HCN1: variants seen among roughly 807,000 people sequenced by gnomAD.
HCN1 encodes the protein potassium/sodium hyperpolarization-activated cyclic nucleotide-gated channel 1.
A neutral mutation model predicts 78.9 loss-of-function variants in HCN1; 13 were observed. The observed-to-expected ratio is 0.16, with a 90% CI of 0.11 to 0.26. The LOEUF is 0.26. Ranked by LOEUF, HCN1 falls within the 10% of genes least tolerant of loss-of-function variation. The pLI is 1.00. For missense variants in HCN1, 810 were observed against 1,154.3 expected (o/e 0.70, Z 4.32); for synonymous variants, 552 against 455.5 (o/e 1.21, Z -2.70).
intron 3 of HCN1, among the ~76,000 whole-genome samples, chr5:45,444,658 AT>A (rs1345812409): frequency 3.3e-5 from 5 of 152,058 alleles, no homozygotes; most frequent in African/African-American, 1.2e-4. Context: ...TCATCTTCTT[AT>A]ATAACAAGAT....
intron 5 of HCN1, among the ~76,000 whole-genome samples, chr5:45,344,422 A>C (rs1198043896): frequency 6.6e-6 from 1 of 152,158 alleles, no homozygotes; most frequent in Non-Finnish European, 1.5e-5. Flanking sequence ...CCAAAGTCTT[A>C]ATTCATTTCA....
intron 2 of HCN1, among the ~76,000 whole-genome samples, chr5:45,612,170 G>C (rs1744851810): frequency 6.6e-6 from 1 of 152,002 alleles, no homozygotes; most frequent in African/African-American, 2.4e-5. Context: ...CTGGAGTCTT[G>C]ATTTAATTTT....
intron 5 of HCN1, among the ~76,000 whole-genome samples, chr5:45,310,419 C>A (rs1227499769): frequency 6.6e-6 from 1 of 152,122 alleles, no homozygotes; most frequent in East Asian, 1.9e-4. Flanking sequence ...ATAAAGAGAT[C>A]AACATCACTG....
At chr5:45,281,120 T>C (rs1231111203) in intron 6 of HCN1, among the ~76,000 whole-genome samples, 1 of 152,132 alleles carries the variant, frequency 6.6e-6, no homozygotes, top group Non-Finnish European at 1.5e-5. Flanking sequence ...TGGAGGTTTT[T>C]GTTAGTATGT....
At chr5:45,313,575 A>G (rs1238665013) in intron 5 of HCN1, among the ~76,000 whole-genome samples, 1 of 152,200 alleles carries the variant, frequency 6.6e-6, no homozygotes, top group African/African-American at 2.4e-5. Context: ...CTCCAAGCTA[A>G]AGGAGGAAGT....
chr5:45,538,086 A>G (rs1743008343), intron 2 of HCN1, among the ~76,000 whole-genome samples: 1 of 152,246 alleles, frequency 6.6e-6, no homozygotes, highest in South Asian at 2.1e-4. Flanking sequence ...AAGGGGTGCA[A>G]AATCATTATT....
Position 45,556,414 on chromosome 5 carries a change from C to A in HCN1, c.849+88771G>T, listed in dbSNP as rs1203694779. On this transcript the variant is annotated intron_variant, in intron 2 of 7. Transcript: ENST00000303230. ...AAATTACCTTGATAAGGCCATTGTT[C>A]TCTGCCTATAACTTGAAGTCCTTTT... Among the ~76,000 whole-genome samples the A allele has an allele frequency of 3.3e-5, 5 of 151,962 alleles. No homozygotes were observed. The East Asian group carries it at 9.7e-4, about 29-fold the overall frequency.
intron 6 of HCN1, among the ~76,000 whole-genome samples, chr5:45,273,596 A>C (rs895077998): frequency 6.6e-6 from 1 of 152,164 alleles, no homozygotes; most frequent in African/African-American, 2.4e-5. Context: ...TAATGTGCTT[A>C]ACCTGAGCTT....
At chr5:45,549,974 C>T (rs1260056890) in intron 2 of HCN1, among the ~76,000 whole-genome samples, 4 of 152,104 alleles carry the variant, frequency 2.6e-5, no homozygotes, top group South Asian at 2.1e-4. Context: ...GTTAGAATGG[C>T]GATCATTAAA....
chr5:45,531,678 A>G (rs1476430931), intron 2 of HCN1, among the ~76,000 whole-genome samples: 1 of 152,078 alleles, frequency 6.6e-6, no homozygotes, highest in African/African-American at 2.4e-5. Context: ...TTTGCCTGCT[A>G]GAATAATTTT....
intron 2 of HCN1, among the ~76,000 whole-genome samples, chr5:45,630,812 G>A (rs1745257319): frequency 6.6e-6 from 1 of 151,414 alleles, no homozygotes. Context: ...AAAGAGAACT[G>A]TTTTTTTTAA....
chr5:45,350,527 C>A (rs1038135429), intron 5 of HCN1, among the ~76,000 whole-genome samples: 5 of 151,514 alleles, frequency 3.3e-5, no homozygotes, highest in African/African-American at 1.2e-4. Flanking sequence ...CTGGCCAGGG[C>A]AATCAGGCAG....
At chr5:45,262,874 A>G in intron 7 of HCN1, 64 bp from the exon 8 acceptor site, 1 of 1,565,914 alleles carries the variant, frequency 6.4e-7, no homozygotes, top group Non-Finnish European at 8.7e-7. Context: ...ACGCCAAGTG[A>G]GAGTGGCTCC....
chr5:45,464,882 G>C (rs961837516), intron 2 of HCN1, among the ~76,000 whole-genome samples: 1 of 152,080 alleles, frequency 6.6e-6, no homozygotes, highest in Non-Finnish European at 1.5e-5. Flanking sequence ...AGATAGTCAG[G>C]TTAACCAAAG....
At chr5:45,414,080 A>G (rs1740073410) in intron 3 of HCN1, among the ~76,000 whole-genome samples, 1 of 152,046 alleles carries the variant, frequency 6.6e-6, no homozygotes, top group Non-Finnish European at 1.5e-5. Flanking sequence ...CAACAGTTTC[A>G]GAAAGCAAAT....
chr5:45,633,404 G>A (rs1219022355), intron 2 of HCN1, among the ~76,000 whole-genome samples: 1 of 151,672 alleles, frequency 6.6e-6, no homozygotes, highest in East Asian at 1.9e-4. Flanking sequence ...TAATCATCTG[G>A]CCAAAACATC....
intron 3 of HCN1, among the ~76,000 whole-genome samples, chr5:45,412,420 A>G (rs554889216): frequency 6.6e-6 from 1 of 152,232 alleles, no homozygotes; most frequent in Non-Finnish European, 1.5e-5. Flanking sequence ...TTCTATGGAT[A>G]GTGGAGCCGG....
chr5:45,428,732 A>G (rs1273553962), intron 3 of HCN1, among the ~76,000 whole-genome samples: 2 of 152,098 alleles, frequency 1.3e-5, no homozygotes, highest in Non-Finnish European at 2.9e-5. Flanking sequence ...TTGGGCTTGA[A>G]ATAATATAGC....
intron 3 of HCN1, among the ~76,000 whole-genome samples, chr5:45,449,748 G>T (rs1051332371): frequency 5.9e-5 from 9 of 151,556 alleles, no homozygotes; most frequent in African/African-American, 9.7e-5. Context: ...ATAAATTCTA[G>T]CCCCCAAAAT....
Sources: allele counts gnomAD v4.1 joint callset (sites outside exome capture counted in the v4.1 genomes callset), GRCh38; gene constraint gnomAD v4.1.1; transcripts MANE v1.5; gene names NCBI Gene and HGNC (gene_info 2026-07-23, HGNC 2026-07-21).